CFAP43: variants seen among roughly 807,000 people sequenced by gnomAD.
CFAP43 encodes cilia and flagella associated protein 43.
In CFAP43, 155 loss-of-function variants were observed where a neutral mutation model predicts 218.9. The ratio of observed to expected loss-of-function variants is 0.71; its 90% CI spans 0.62 to 0.81. CFAP43 has a LOEUF of 0.81. CFAP43 is among the 30% of genes least tolerant of loss of function. The pLI is 0.00. For missense variants in CFAP43, 1,778 were observed against 1,954.3 expected, an observed-to-expected ratio of 0.91 and a Z score of 1.70; for synonymous variants, 645 against 681.3, an observed-to-expected ratio of 0.95 and a Z score of 0.83.
At chr10:104,214,118 G>T in intron 4 of CFAP43, 141 bp downstream of exon 4, 1 of 703,796 alleles carries the variant, frequency 1.4e-6, no homozygotes, top group Non-Finnish European at 2.1e-6. Flanking sequence ...AACAAGATAA[G>T]CTGAACGTAT....
In CFAP43 at chr10:104,147,818, C is replaced by A. The variant is rs560032177; in HGVS notation, c.3768+73G>T. Reference sequence around the variant, plus strand: ...AAGGAAGGAAGGAAGGGTCTAGACACGTGAGCTCTTGCTAAATGAGGGGCA... The same window carrying A: ...AAGGAAGGAAGGAAGGGTCTAGACAAGTGAGCTCTTGCTAAATGAGGGGCA... On this transcript the variant is annotated intron_variant, in intron 29 of 37. Transcript: ENST00000357060. The A allele has an allele frequency of 2.2e-5, 23 of 1,034,830 alleles. No individual in the cohort carries two copies. The South Asian group carries it at 3.1e-4, about 14-fold the overall frequency. 64.1% of individuals were successfully genotyped at this position (1,034,830 alleles called of 1,614,324 possible). A position where few individuals can be genotyped will look rare whatever the true frequency, so the allele number is the denominator to read the frequency against.
intron 28 of CFAP43, among the ~76,000 whole-genome samples, chr10:104,151,802 C>A (rs1336105194): frequency 6.6e-6 from 1 of 152,170 alleles, no homozygotes; most frequent in South Asian, 2.1e-4. Flanking sequence ...ATCATGAAAT[C>A]TTTGCCAGTT....
intron 16 of CFAP43, 24 bp from the exon 17 acceptor site, chr10:104,182,537 C>G (rs755350586): frequency 7.7e-6 from 12 of 1,553,488 alleles, no homozygotes; most frequent in South Asian, 7.4e-5. Flanking sequence ...AAAGAAAACA[C>G]AGAGGCTATA....
At position 104,175,593 on chromosome 10, in the gene CFAP43, G is replaced by A. The variant is rs2089599076; in HGVS notation, c.2461-3058C>T. 2.0e-5 allele frequency among the ~76,000 whole-genome samples: 3 copies of A among 152,094 alleles called. No homozygotes were observed. In the South Asian group the frequency reaches 6.2e-4, roughly 32 times the overall value. On this transcript the variant is annotated intron_variant, in intron 19 of 37. Transcript: ENST00000357060. ...TAAAACACGATATCCAAAAAATGCT[G>A]GCAACACAGTACACTTCAGAATATT...
chr10:104,188,818 G>C (rs145870134), intron 12 of CFAP43, among the ~76,000 whole-genome samples: 1 of 152,262 alleles, frequency 6.6e-6, no homozygotes, highest in African/African-American at 2.4e-5. Flanking sequence ...TGTGGTCAAG[G>C]ACTGTGGGTG....
chr10:104,170,262 T>A (rs2134840544), intron 20 of CFAP43, among the ~76,000 whole-genome samples: 1 of 152,094 alleles, frequency 6.6e-6, no homozygotes, highest in South Asian at 2.1e-4. Context: ...CACCAAATCC[T>A]GCCTCAGAGG....
intron 27 of CFAP43, among the ~76,000 whole-genome samples, chr10:104,157,775 T>TGTGAGAGAGAGAGAGAGA (rs1484523345): frequency 5.8e-4 from 52 of 90,158 alleles, no homozygotes; most frequent in African/African-American, 1.4e-3. Flanking sequence ...TGTGTGTGTG[T>TGTGAGAGAGAGAGAGAGA]GAGAGAGAGA....
At chr10:104,180,667 G>A (rs1468360247) in intron 17 of CFAP43, among the ~76,000 whole-genome samples, 1 of 151,918 alleles carries the variant, frequency 6.6e-6, no homozygotes, top group Non-Finnish European at 1.5e-5. Context: ...GGATGGTCTT[G>A]ATCTCCTAAC....
At chr10:104,210,020 A>G (rs1427079343) in intron 5 of CFAP43, among the ~76,000 whole-genome samples, 1 of 152,008 alleles carries the variant, frequency 6.6e-6, no homozygotes, top group Non-Finnish European at 1.5e-5. Context: ...TATACTTTTA[A>G]GTCATCTCTA....
chr10:104,152,741 A>G lies in CFAP43; in HGVS notation c.3541-15T>C, dbSNP rs2088332234. On this transcript the variant is annotated splice_polypyrimidine_tract_variant and intron_variant, in intron 27 of 37. Coordinates refer to ENST00000357060, the MANE Select transcript of CFAP43 (RefSeq NM_025145.7). ...GCTTCTAATGACTAAAAGGAAAACAATAGTAAAGTTAACGTTTAAGAGTAT... is the reference window on the plus strand; with the variant it reads ...GCTTCTAATGACTAAAAGGAAAACAGTAGTAAAGTTAACGTTTAAGAGTAT... The G allele has an allele frequency of 2.5e-6, 4 of 1,601,278 alleles. No homozygotes were observed. Among genetic ancestry groups the G allele is most frequent in the South Asian group, 1.1e-5 (1 of 88,468 alleles).
chr10:104,164,925 T>C (rs2089076827), intron 23 of CFAP43, among the ~76,000 whole-genome samples: 1 of 152,242 alleles, frequency 6.6e-6, no homozygotes, highest in Admixed American at 6.5e-5. Flanking sequence ...CATTGGGCTA[T>C]TCTCTCTACT....
In CFAP43 at chr10:104,142,409, C is replaced by A; in HGVS notation, c.4159-16G>T. ...TCTGCTTTACCTAAAGAAACCAAGC[C>A]AGAAACATGTCAGAACATATGGAGC... On this transcript the variant is annotated splice_polypyrimidine_tract_variant and intron_variant, in intron 32 of 37. Transcript: ENST00000357060. 1 of 1,602,856 alleles carries A rather than the reference C, an allele frequency of 6.2e-7. No homozygotes were observed.
At chr10:104,196,740 C>A in intron 10 of CFAP43, 113 bp downstream of exon 10, 1 of 827,348 alleles carries the variant, frequency 1.2e-6, no homozygotes, top group Admixed American at 3.2e-5. Context: ...GGCAAAAATG[C>A]AGTGAGGCTT....
intron 34 of CFAP43, among the ~76,000 whole-genome samples, chr10:104,140,007 T>G (rs977083572): frequency 1.3e-5 from 2 of 152,166 alleles, no homozygotes; most frequent in Admixed American, 6.5e-5. Flanking sequence ...AACACGCTTT[T>G]AAATAACCCA....
chr10:104,131,850 A>G (rs1375312265), intron 36 of CFAP43, among the ~76,000 whole-genome samples: 1 of 152,194 alleles, frequency 6.6e-6, no homozygotes, highest in Admixed American at 6.5e-5. Flanking sequence ...TATTACATAA[A>G]TCCTAACCTA....
chr10:104,176,894 T>C (rs1282512037), intron 19 of CFAP43, among the ~76,000 whole-genome samples: 1 of 152,038 alleles, frequency 6.6e-6, no homozygotes, highest in African/African-American at 2.4e-5. Flanking sequence ...CTAATTATCA[T>C]AAATACATAT....
intron 8 of CFAP43, among the ~76,000 whole-genome samples, chr10:104,199,035 T>A (rs888793126): frequency 6.6e-6 from 1 of 152,188 alleles, no homozygotes; most frequent in Non-Finnish European, 1.5e-5. Flanking sequence ...TGTAGAAAAT[T>A]TGGAAAATGT....
chr10:104,157,070 T>C (rs577036907), intron 27 of CFAP43, among the ~76,000 whole-genome samples: 1 of 152,198 alleles, frequency 6.6e-6, no homozygotes, highest in African/African-American at 2.4e-5. Flanking sequence ...AAAAATAACA[T>C]TGTCTAAAGA....
chr10:104,218,877 C>G (rs764730756), intron 3 of CFAP43: 6 of 502,976 alleles, frequency 1.2e-5, no homozygotes, highest in Non-Finnish European at 4.1e-6. Context: ...CTAGGAACAG[C>G]CGAGCAGCAT....
Sources: allele counts gnomAD v4.1 joint callset (sites outside exome capture counted in the v4.1 genomes callset), GRCh38; gene constraint gnomAD v4.1.1; transcripts MANE v1.5; gene names NCBI Gene and HGNC (gene_info 2026-07-23, HGNC 2026-07-21).